NAALADL2: variants seen among roughly 807,000 people sequenced by gnomAD.
NAALADL2 encodes N-acetylated alpha-linked acidic dipeptidase like 2.
In NAALADL2, 76 loss-of-function variants were observed where a neutral mutation model predicts 87.2. The observed-to-expected ratio is 0.87, with a 90% CI of 0.72 to 1.05. The LOEUF (loss-of-function observed/expected upper bound fraction) is 1.05, where lower values mean the gene tolerates loss of function less well. Ranked by LOEUF, NAALADL2 falls within the 50% of genes least tolerant of loss-of-function variation. NAALADL2 has a pLI of 0.00. For missense variants in NAALADL2, 1,089 were observed against 945.8 expected, an observed-to-expected ratio of 1.15 and a Z score of -1.99; for synonymous variants, 354 against 331.0, an observed-to-expected ratio of 1.07 and a Z score of -0.75.
At chr3:174,449,949 G>A (rs538587376) in intron 1 of NAALADL2, among the ~76,000 whole-genome samples, 2 of 151,504 alleles carry the variant, frequency 1.3e-5, no homozygotes, top group African/African-American at 4.8e-5. Context: ...CATCTTCATT[G>A]TATATGTCTT....
intron 1 of NAALADL2, among the ~76,000 whole-genome samples, chr3:174,888,125 C>T (rs530779388): frequency 6.6e-6 from 1 of 152,194 alleles, no homozygotes; most frequent in Non-Finnish European, 1.5e-5. Context: ...AAAAAAGTAT[C>T]CCTAGCAGAG....
intron 3 of NAALADL2, among the ~76,000 whole-genome samples, chr3:174,840,893 G>T (rs1203685127): frequency 1.3e-5 from 2 of 151,946 alleles, no homozygotes; most frequent in African/African-American, 2.4e-5. Flanking sequence ...AATACTAGCT[G>T]GTAGGTAGTC....
At chr3:175,459,160 T>C (rs1343248231) in intron 6 of NAALADL2, among the ~76,000 whole-genome samples, 2 of 151,980 alleles carry the variant, frequency 1.3e-5, no homozygotes, top group African/African-American at 4.8e-5. Context: ...AGTTACCATA[T>C]TGGAACACAT....
intron 2 of NAALADL2, among the ~76,000 whole-genome samples, chr3:174,593,786 T>G (rs191136975): frequency 6.6e-6 from 1 of 152,094 alleles, no homozygotes; most frequent in African/African-American, 2.4e-5. Context: ...CTTTTCTGGT[T>G]TGATGGAGGG....
At chr3:175,781,230 A>T (rs1216963746) in intron 13 of NAALADL2, among the ~76,000 whole-genome samples, 2 of 152,162 alleles carry the variant, frequency 1.3e-5, no homozygotes. Flanking sequence ...TTTTAATGGG[A>T]TTTTGATGAG....
chr3:175,723,347 GA>G (rs1742495077), intron 11 of NAALADL2, among the ~76,000 whole-genome samples: 1 of 152,108 alleles, frequency 6.6e-6, no homozygotes, highest in Non-Finnish European at 1.5e-5. Context: ...CTGAGTCTTA[GA>G]GTAAACCCTT....
chr3:175,328,164 C>T (rs1464184399), intron 5 of NAALADL2, among the ~76,000 whole-genome samples: 2 of 152,166 alleles, frequency 1.3e-5, no homozygotes, highest in Non-Finnish European at 2.9e-5. Flanking sequence ...ACACTAGGAT[C>T]ATGGCACCAG....
chr3:175,628,609 C>CTA (rs10663163), intron 11 of NAALADL2, among the ~76,000 whole-genome samples: 78,198 of 131,260 alleles, frequency 0.6, 24,132 homozygotes, highest in Non-Finnish European at 0.69. Context: ...AATAATCTCT[C>CTA]TCTCTATGTA....
intron 1 of NAALADL2, among the ~76,000 whole-genome samples, chr3:174,977,176 A>G (rs1744467741): frequency 1.3e-5 from 2 of 152,208 alleles, no homozygotes; most frequent in Admixed American, 6.5e-5. Flanking sequence ...TGTCTGTGAA[A>G]TCCAAAAATG....
intron 5 of NAALADL2, among the ~76,000 whole-genome samples, chr3:175,374,440 G>A (rs1254756859): frequency 6.7e-6 from 1 of 149,998 alleles, no homozygotes; most frequent in African/African-American, 2.5e-5. Flanking sequence ...TGTAATCCCA[G>A]CTACTCAGGA....
At chr3:175,718,577 C>CA (rs1221847791) in intron 11 of NAALADL2, 1 of 1,592,888 alleles carries the variant, frequency 6.3e-7, no homozygotes, top group African/African-American at 1.3e-5. Flanking sequence ...GCTAACTGTG[C>CA]CATCTCCTAC....
chr3:175,314,696 A>AAC (rs1287367035), intron 4 of NAALADL2, among the ~76,000 whole-genome samples: 1,575 of 87,830 alleles, frequency 0.018, 100 homozygotes, highest in Middle Eastern at 0.042. Flanking sequence ...ATATATATAT[A>AAC]TATATATATA....
At chr3:175,746,902 T>A (rs1583094433) in intron 12 of NAALADL2, among the ~76,000 whole-genome samples, 1 of 152,334 alleles carries the variant, frequency 6.6e-6, no homozygotes, top group South Asian at 2.1e-4. Context: ...AATCCATGAA[T>A]GTTCAAGTTC....
chr3:175,790,736 A>AACAAC (rs1752681800), intron 13 of NAALADL2, among the ~76,000 whole-genome samples: 1 of 152,222 alleles, frequency 6.6e-6, no homozygotes, highest in Non-Finnish European at 1.5e-5. Flanking sequence ...CATATACTTG[A>AACAAC]ACAACACTTT....
chr3:174,976,934 C>G lies in NAALADL2; in HGVS notation c.43+117484C>G, dbSNP rs184596769. ...GCTTCCGTATGTTTGGAGATTTCAT[C>G]TAGTTCCCAGATGTGAAAATTACCA... On this transcript the variant is annotated intron_variant, in intron 1 of 13. Transcript: ENST00000454872. Among the ~76,000 whole-genome samples the G allele has an allele frequency of 1.4e-3, 212 of 152,278 alleles. 1 individual carries two copies. The highest frequency in any genetic ancestry group is 2.2e-3 in the Admixed American group (33 of 15,292).
chr3:174,856,157 C>T (rs1157747716), upstream of NAALADL2, among the ~76,000 whole-genome samples: 1 of 151,872 alleles, frequency 6.6e-6, no homozygotes, highest in Non-Finnish European at 1.5e-5. Flanking sequence ...AGGCACACAC[C>T]ATCATGCCCA....
At chr3:175,250,722 T>A (rs779206850) in intron 3 of NAALADL2, among the ~76,000 whole-genome samples, 2 of 152,218 alleles carry the variant, frequency 1.3e-5, no homozygotes, top group African/African-American at 2.4e-5. Context: ...TCTCTGAGCA[T>A]CATTTTCCTT....
chr3:174,470,537 ATAAATTCT>A (rs1430096617), intron 1 of NAALADL2, among the ~76,000 whole-genome samples: 53 of 152,242 alleles, frequency 3.5e-4, no homozygotes, highest in African/African-American at 1.2e-3. Flanking sequence ...AGTCTTAGTC[ATAAATTCT>A]TTGACTAGAT....
intron 2 of NAALADL2, among the ~76,000 whole-genome samples, chr3:174,729,667 C>A (rs1434353981): frequency 6.6e-6 from 1 of 151,882 alleles, no homozygotes; most frequent in Non-Finnish European, 1.5e-5. Flanking sequence ...TTTAATATAA[C>A]TTTTCTTTGA....
Sources: gnomAD v4.1 joint callset for allele counts (sites outside exome capture counted in the v4.1 genomes callset) on GRCh38, gnomAD v4.1.1 for gene constraint, MANE v1.5 for transcripts, NCBI Gene and HGNC (gene_info 2026-07-23, HGNC 2026-07-21) for gene names.